The following TFR2 variants were observed in gnomAD, a reference collection of about 807,000 sequenced individuals.
TFR2 encodes the protein transferrin receptor 2, also known as transferrin receptor protein 2.
Under a neutral mutation model 91.9 loss-of-function variants are expected in TFR2, and 64 were observed. The ratio of observed to expected loss-of-function variants is 0.70; its 90% CI spans 0.57 to 0.86. The LOEUF (loss-of-function observed/expected upper bound fraction) is 0.86, where lower values mean the gene tolerates loss of function less well. Among genes scored for constraint, TFR2 ranks in the 40% least tolerant of loss-of-function variants. TFR2 has a pLI of 0.00. For synonymous variants in TFR2, 454 were observed against 459.6 expected (o/e 0.99, Z 0.15); for missense variants, 950 against 1,080.5 (o/e 0.88, Z 1.69).
At chr7:100,631,636 A>T in intron 8 of TFR2, 170 bp downstream of exon 8, 15 of 800,030 alleles carry the variant, frequency 1.9e-5, no homozygotes, top group Non-Finnish European at 2.2e-5. Flanking sequence ...AAAAAAAAAA[A>T]GGTCAGGGTC....
rs370468237 is a variant in TFR2, at chr7:100,627,544, C to T, written c.1767+33G>A. On this transcript the variant is annotated intron_variant, in intron 15 of 17. Transcript: ENST00000223051. ...GGAGGCAGACAGGCTGAAGGACTAG[C>T]GCTGTGTCTGGGGCAGGGGGAGGAC... 188 of 1,613,832 alleles carry T rather than the reference C, an allele frequency of 1.2e-4. 2 individuals are homozygous for T. In the Middle Eastern group the frequency reaches 1.7e-3, roughly 14 times the overall value.
At chr7:100,640,592 A>G (rs1803676758) in intron 3 of TFR2, 94 bp downstream of exon 3, 1 of 1,424,514 alleles carries the variant, frequency 7.0e-7, no homozygotes, top group Non-Finnish European at 9.6e-7. Context: ...GGGGACCCAG[A>G]CACCAGAGGC....
In TFR2 at chr7:100,627,326, G is replaced by A. The variant is rs1803291385; in HGVS notation, c.1933C>T (p.Arg645Cys). The change falls in exon 16 of 18, where the codon CGC becomes TGC. Residue 645 changes from arginine to cysteine, a missense_variant. Physicochemically the swap from Arg to Cys is radical, Grantham distance 180. Coordinates refer to ENST00000223051, the MANE Select transcript of TFR2 (RefSeq NM_003227.4). ...HDRLLPLDFG[R>C]YGDVVLRHIG... The stretch of plus-strand genomic sequence containing the variant: ...TGCCTGAGGACGACGTCCCCGTAGC[G>A]GCCGAAGTCGAGGGGCAGCAGGCGA... 1.3e-6 allele frequency: 2 copies of A among 1,550,544 alleles called. No homozygotes were observed. The highest frequency in any genetic ancestry group is 2.4e-5 in the East Asian group (1 of 40,934).
intron 3 of TFR2, among the ~76,000 whole-genome samples, chr7:100,639,638 A>C (rs533308280): frequency 1.3e-5 from 2 of 151,780 alleles, no homozygotes; most frequent in African/African-American, 2.4e-5. Context: ...ATCTCCTACT[A>C]TCTGTAGCTT....
chr7:100,626,771 T>G lies in TFR2; in HGVS notation c.2128A>C (p.Ile710Leu). ...GGAGGGCGGGGCCTCACCCGCATTA[T>G]GCGCACGTTGTACATGCGTGTCAGT... Reference protein sequence around the residue: ...ERLTRMYNVRIMRVEFYFLSQ... With the variant: ...ERLTRMYNVRLMRVEFYFLSQ... Residue 710 changes from isoleucine to leucine, a missense_variant, in exon 17 of 18, where the codon ATA becomes CTA. Physicochemically the swap from Ile to Leu is conservative, Grantham distance 5 (BLOSUM62 2). Coordinates refer to ENST00000223051, the MANE Select transcript of TFR2 (RefSeq NM_003227.4). 1 of 1,545,664 alleles carries G rather than the reference T, an allele frequency of 6.5e-7. No homozygotes were observed. Among genetic ancestry groups the G allele is most frequent in the Non-Finnish European group, 8.7e-7 (1 of 1,146,838 alleles).
chr7:100,628,266 G>A lies in TFR2; in HGVS notation c.1431C>T (p.Asp477=), dbSNP rs778438972. The A allele has an allele frequency of 1.6e-5, 25 of 1,596,286 alleles. No homozygotes were observed. In the East Asian group the frequency reaches 1.8e-4, roughly 12 times the overall value. The change falls in exon 11 of 18, where the codon GAC becomes GAT. Residue 477 remains aspartate (D), a synonymous_variant. Transcript: ENST00000223051. ...PRRSLLFISW[D]GGDFGSVGST... ...AGCCCACGCTTCCAAAGTCACCACC[G>A]TCCCAGCTGATGAAGAGGAGACTTC...
chr7:100,637,447 A>T (rs1436237444), intron 3 of TFR2, among the ~76,000 whole-genome samples: 1 of 151,950 alleles, frequency 6.6e-6, no homozygotes, highest in Non-Finnish European at 1.5e-5. Context: ...ATCATAAATT[A>T]GCTGGGCATG....
At chr7:100,628,384 C>T in intron 10 of TFR2, 78 bp from the exon 11 acceptor site, 4 of 1,371,508 alleles carry the variant, frequency 2.9e-6, no homozygotes, top group South Asian at 2.4e-5. Flanking sequence ...CTGTCCTGGT[C>T]CCCCAGGGTC....
In TFR2 at chr7:100,631,026, T is replaced by TG; in HGVS notation, c.1132dup (p.Gln378ProfsTer65). The TG allele has an allele frequency of 1.3e-6, 2 of 1,597,352 alleles. No homozygotes were observed. Among genetic ancestry groups the TG allele is most frequent in the Non-Finnish European group, 8.5e-7 (1 of 1,173,630 alleles). ...GCCTAGGAGGCTCCCCTGCCATTCTTGGGGGGCCACAGGGCCTTTGAGCTT... is the reference window on the plus strand; with the variant it reads ...GCCTAGGAGGCTCCCCTGCCATTCTTGGGGGGGCCACAGGGCCTTTGAGCTT... On this transcript the variant is annotated frameshift_variant, in exon 9 of 18. Transcript: ENST00000223051. LOFTEE classifies it high-confidence loss of function.
At chr7:100,635,159 C>G (rs539283988) in intron 3 of TFR2, among the ~76,000 whole-genome samples, 19 of 151,962 alleles carry the variant, frequency 1.3e-4, no homozygotes, top group African/African-American at 4.6e-4. Context: ...AGGCTGGTCT[C>G]AAACTCCTGG....
chr7:100,640,642 G>T (rs763317838), intron 3 of TFR2, 44 bp downstream of exon 3: 1 of 1,600,054 alleles, frequency 6.2e-7, no homozygotes, highest in East Asian at 2.2e-5. Context: ...GAGCGGATGA[G>T]GGGAGGGACA....
Position 100,629,498 on chromosome 7 carries a change from C to T in TFR2, c.1271-126G>A. The T allele has an allele frequency of 3.2e-6, 5 of 1,558,356 alleles. No homozygotes were observed. In the South Asian group the frequency reaches 3.4e-5, roughly 11 times the overall value. On this transcript the variant is annotated intron_variant, in intron 9 of 17. Coordinates refer to ENST00000223051, the MANE Select transcript of TFR2 (RefSeq NM_003227.4). ...ACCCTAGCCCTGCAGTCCCTCCAGT[C>T]CCTAAAGAGGGCGCCCCTCCCCACT...
Position 100,633,232 on chromosome 7 carries a change from G to A in TFR2, c.723C>T (p.Val241=). 6.2e-7 allele frequency: 1 copy of A among 1,613,800 alleles called. No homozygotes were observed. The change falls in exon 5 of 18, where the codon GTC becomes GTT. Residue 241 remains valine (V), a synonymous_variant. Transcript: ENST00000223051. ...VYCPYSAIGN[V]TGELVYAHYG... ...GGAGCGGGCAGGGGGTGCTCACCGT[G>A]ACGTTGCCGATGGCGCTGTAGGGGC...
intron 3 of TFR2, among the ~76,000 whole-genome samples, chr7:100,636,991 C>T (rs1358768816): frequency 6.6e-6 from 1 of 152,230 alleles, no homozygotes; most frequent in Admixed American, 6.5e-5. Flanking sequence ...ACAGGCTGGG[C>T]ACCATGGCTT....
At chr7:100,639,284 G>A (rs778953307) in intron 3 of TFR2, among the ~76,000 whole-genome samples, 6 of 151,902 alleles carry the variant, frequency 3.9e-5, no homozygotes, top group East Asian at 1.9e-4. Context: ...TGAGAATCGC[G>A]TGAACCTGGG....
At chr7:100,638,149 G>GGGA (rs1192866889) in intron 3 of TFR2, among the ~76,000 whole-genome samples, 1 of 151,960 alleles carries the variant, frequency 6.6e-6, no homozygotes, top group African/African-American at 2.4e-5. Flanking sequence ...GACTATAGGT[G>GGGA]CCCGCCACCA....
rs1353962336 is a variant in TFR2, at chr7:100,620,782, C to T, written c.*75G>A. ...GAGAGGTGGACTCTGAGCCACCTCCCTGACCCTGAATCATTCAAGCGAGGA... is the reference window on the plus strand; with the variant it reads ...GAGAGGTGGACTCTGAGCCACCTCCTTGACCCTGAATCATTCAAGCGAGGA... On this transcript the variant is annotated 3_prime_UTR_variant, in exon 18 of 18. Coordinates refer to ENST00000223051, the MANE Select transcript of TFR2 (RefSeq NM_003227.4). 3.1e-6 allele frequency: 5 copies of T among 1,598,116 alleles called. No individual in the cohort carries two copies. The Admixed American group carries it at 5.0e-5, about 16-fold the overall frequency.
chr7:100,636,939 C>T (rs1430573673), intron 3 of TFR2, among the ~76,000 whole-genome samples: 1 of 152,166 alleles, frequency 6.6e-6, no homozygotes, highest in African/African-American at 2.4e-5. Flanking sequence ...AGCCTGTACC[C>T]AGATGACCAA....
intron 3 of TFR2, among the ~76,000 whole-genome samples, chr7:100,638,995 C>T (rs929504054): frequency 6.6e-6 from 1 of 152,096 alleles, no homozygotes; most frequent in Non-Finnish European, 1.5e-5. Flanking sequence ...AAAGAGTAAT[C>T]ATACACCTTG....
Sources: gnomAD v4.1 joint callset for allele counts (sites outside exome capture counted in the v4.1 genomes callset) on GRCh38, gnomAD v4.1.1 for gene constraint, MANE v1.5 for transcripts, NCBI Gene and HGNC (gene_info 2026-07-23, HGNC 2026-07-21) for gene names.